PLXDC2: variants seen among roughly 807,000 people sequenced by gnomAD.
The protein encoded by PLXDC2 is plexin domain containing 2.
A neutral mutation model predicts 68.9 loss-of-function variants in PLXDC2; 40 were observed. The observed-to-expected ratio is 0.58, with a 90% CI of 0.45 to 0.76. PLXDC2 has a LOEUF of 0.76. Among genes scored for constraint, PLXDC2 ranks in the 30% least tolerant of loss-of-function variants. The pLI is 0.00. For missense variants in PLXDC2, 644 were observed against 661.9 expected (o/e 0.97, Z 0.30); for synonymous variants, 243 against 234.2 (o/e 1.04, Z -0.34).
At chr10:19,982,358 C>T (rs763173570) in intron 1 of PLXDC2, among the ~76,000 whole-genome samples, 7 of 152,180 alleles carry the variant, frequency 4.6e-5, no homozygotes, top group Non-Finnish European at 1.0e-4. Context: ...TGTCTATTTG[C>T]AAGTCTAGTA....
At chr10:19,829,833 T>C (rs1836652553) in intron 1 of PLXDC2, among the ~76,000 whole-genome samples, 1 of 152,188 alleles carries the variant, frequency 6.6e-6, no homozygotes, top group African/African-American at 2.4e-5. Context: ...AACTGAGAAC[T>C]CATTTACAAA....
intron 1 of PLXDC2, among the ~76,000 whole-genome samples, chr10:19,976,138 A>G (rs1023906805): frequency 1.3e-5 from 2 of 152,124 alleles, no homozygotes; most frequent in African/African-American, 4.8e-5. Flanking sequence ...TTTTGAAGGC[A>G]TTGCTCTTTT....
At chr10:20,078,334 G>A (rs1438992285) in intron 4 of PLXDC2, among the ~76,000 whole-genome samples, 1 of 152,112 alleles carries the variant, frequency 6.6e-6, no homozygotes, top group Non-Finnish European at 1.5e-5. Context: ...AGTTAGCTAC[G>A]ATTATGCCAC....
intron 1 of PLXDC2, among the ~76,000 whole-genome samples, chr10:19,832,423 T>G (rs1836710827): frequency 6.6e-6 from 1 of 152,200 alleles, no homozygotes; most frequent in South Asian, 2.1e-4. Flanking sequence ...GTAGGTTAAT[T>G]GAAAACCTAG....
At chr10:19,860,484 T>C (rs1183429555) in intron 1 of PLXDC2, among the ~76,000 whole-genome samples, 1 of 152,132 alleles carries the variant, frequency 6.6e-6, no homozygotes, top group Non-Finnish European at 1.5e-5. Flanking sequence ...TATCTAAGTG[T>C]GCAATGTTCT....
At chr10:20,104,688 T>TGG (rs139740369) in intron 4 of PLXDC2, among the ~76,000 whole-genome samples, 5 of 151,906 alleles carry the variant, frequency 3.3e-5, no homozygotes, top group African/African-American at 1.2e-4. Flanking sequence ...CATTGTTAAA[T>TGG]GGGGGGAGAA....
rs1836140929 is a variant in PLXDC2 at position 20,285,460 on chromosome 10, A to C, written c.*5641A>C. On this transcript the variant is annotated 3_prime_UTR_variant, in exon 14 of 14. Transcript: ENST00000377252. ...AAGTAGATAGGATCAACAATACTCT[A>C]TCAATTTTCAACTCCAATTTTCTAT... 2 of 152,220 alleles carry C rather than the reference A, an allele frequency of 1.3e-5. No individual in the cohort carries two copies. The highest frequency in any genetic ancestry group is 4.1e-4 in the South Asian group (2 of 4,834). 9.4% of individuals were successfully genotyped at this position (152,220 alleles called of 1,614,324 possible).
chr10:19,886,497 G>A (rs1837848591), intron 1 of PLXDC2, among the ~76,000 whole-genome samples: 1 of 152,104 alleles, frequency 6.6e-6, no homozygotes, highest in South Asian at 2.1e-4. Flanking sequence ...ATGTAATCCA[G>A]CATATAAACA....
At chr10:20,269,205 TTATTCTCAAAAGTG>T (rs1204855650) in intron 13 of PLXDC2, among the ~76,000 whole-genome samples, 1 of 152,208 alleles carries the variant, frequency 6.6e-6, no homozygotes, top group Non-Finnish European at 1.5e-5. Context: ...GTTTCTCCAT[TTATTCTCAAAAGTG>T]TCCTGATTTG....
At position 20,287,998 on chromosome 10, in the gene PLXDC2, G is replaced by C. The variant is rs1369159054; in HGVS notation, c.*8179G>C. On this transcript the variant is annotated 3_prime_UTR_variant, in exon 14 of 14. Coordinates refer to ENST00000377252, the MANE Select transcript of PLXDC2 (RefSeq NM_032812.9). Reference sequence around the variant, plus strand: ...TTGCGGCGGGGGAGGGGGGGGGGGCGGTGGCTTTCCAGATTTTATGCCAGT... The same window carrying C: ...TTGCGGCGGGGGAGGGGGGGGGGGCCGTGGCTTTCCAGATTTTATGCCAGT... The C allele has an allele frequency of 7.1e-6, 1 of 140,354 alleles. No homozygotes were observed. The highest frequency in any genetic ancestry group is 1.5e-5 in the Non-Finnish European group (1 of 64,868). The allele number at this position is 140,354 out of a possible 1,614,324, so 8.7% of individuals were successfully genotyped here.
At chr10:20,243,737 T>C (rs185761862) in intron 12 of PLXDC2, among the ~76,000 whole-genome samples, 209 of 152,038 alleles carry the variant, frequency 1.4e-3, no homozygotes, top group African/African-American at 4.9e-3. Flanking sequence ...AGGCAAATGG[T>C]AAAAATAACG....
chr10:19,971,262 G>A (rs560399233), intron 1 of PLXDC2, among the ~76,000 whole-genome samples: 1 of 152,246 alleles, frequency 6.6e-6, no homozygotes, highest in Admixed American at 6.5e-5. Context: ...ATGTGCCTGT[G>A]TTTTTTATAT....
chr10:19,817,100 C>A lies in PLXDC2; in HGVS notation c.21C>A (p.Ala7=). The change falls in exon 1 of 14, where the codon GCC becomes GCA. Residue 7 remains alanine (A), a synonymous_variant. Transcript: ENST00000377252. ...GCGGCATGGCGAGGTTCCCGAAGGC[C>A]GACCTGGCCGCTGCAGGAGTTATGT... MARFPK[A]DLAAAGVMLL... 6.4e-7 allele frequency: 1 copy of A among 1,558,888 alleles called. No homozygotes were observed. Among genetic ancestry groups the A allele is most frequent in the Non-Finnish European group, 8.7e-7 (1 of 1,150,134 alleles).
chr10:20,124,474 A>G (rs1833743202), intron 4 of PLXDC2, among the ~76,000 whole-genome samples: 1 of 152,166 alleles, frequency 6.6e-6, no homozygotes, highest in Non-Finnish European at 1.5e-5. Context: ...AGCAAAGGAC[A>G]GGAGGACAGG....
chr10:20,174,658 G>A (rs891039031), intron 7 of PLXDC2, among the ~76,000 whole-genome samples: 12 of 152,088 alleles, frequency 7.9e-5, no homozygotes, highest in Admixed American at 5.9e-4. Context: ...TGGGGGAAGC[G>A]AGGAGGGAAA....
At chr10:20,027,625 T>C (rs1041097081) in intron 2 of PLXDC2, among the ~76,000 whole-genome samples, 4 of 150,912 alleles carry the variant, frequency 2.7e-5, no homozygotes, top group Non-Finnish European at 5.9e-5. Flanking sequence ...CTCAACATGA[T>C]GCAGCTTGTC....
At chr10:20,155,317 A>G (rs1834203459) in intron 6 of PLXDC2, among the ~76,000 whole-genome samples, 1 of 152,240 alleles carries the variant, frequency 6.6e-6, no homozygotes, top group Non-Finnish European at 1.5e-5. Flanking sequence ...AGAAAGTCAG[A>G]GAAGGCCAAA....
intron 2 of PLXDC2, among the ~76,000 whole-genome samples, chr10:20,007,787 C>T (rs111784138): frequency 0.018 from 2,732 of 152,280 alleles, 92 homozygotes; most frequent in African/African-American, 0.062. Flanking sequence ...ATAGGCCACA[C>T]TTTGGGTTGC....
chr10:20,265,166 A>G (rs1341485393), intron 13 of PLXDC2, among the ~76,000 whole-genome samples: 1 of 152,210 alleles, frequency 6.6e-6, no homozygotes, highest in Non-Finnish European at 1.5e-5. Context: ...TTGAGTAGAA[A>G]GGGCATAAAT....
Sources: gnomAD v4.1 joint callset for allele counts (sites outside exome capture counted in the v4.1 genomes callset) on GRCh38, gnomAD v4.1.1 for gene constraint, MANE v1.5 for transcripts, NCBI Gene and HGNC (gene_info 2026-07-23, HGNC 2026-07-21) for gene names.